Variants in MGAT5B observed in about 807,000 individuals in gnomAD.
MGAT5B encodes N-acetylglucosaminyl-transferase Vb.
In MGAT5B, 54 loss-of-function variants were observed where a neutral mutation model predicts 95.1. The ratio of observed to expected loss-of-function variants is 0.57; its 90% confidence interval spans 0.46 to 0.71. The LOEUF (loss-of-function observed/expected upper bound fraction) is 0.71, where lower values mean the gene tolerates loss of function less well. Ranked by LOEUF, MGAT5B falls within the 30% of genes least tolerant of loss-of-function variation. The pLI, the probability that MGAT5B is intolerant of heterozygous loss-of-function variation, is 0.00. For missense variants in MGAT5B, 935 were observed against 1,088.6 expected (o/e 0.86, Z 1.99); for synonymous variants, 464 against 451.0 (o/e 1.03, Z -0.36).
At position 76,917,604 on chromosome 17, in the gene MGAT5B, A is replaced by T. The variant is rs894499440; in HGVS notation, c.1026-7362A>T. ...GGAGCCAGCGGCCCTCAATATCCGA[A>T]TCCAGGATGCAGGGGCTGCGTCTTA... On this transcript the variant is annotated intron_variant, in intron 8 of 17. Coordinates refer to ENST00000569840, the MANE Select transcript of MGAT5B (RefSeq NM_001199172.2). The surrounding 1 kb of genome is among the most constrained non-coding windows in gnomAD (Gnocchi z 6.1). Among the ~76,000 whole-genome samples, 1 of 151,838 alleles carries T rather than the reference A, an allele frequency of 6.6e-6. No individual in the cohort carries two copies. The highest frequency in any genetic ancestry group is 6.6e-5 in the Admixed American group (1 of 15,248).
At position 76,906,230 on chromosome 17, in the gene MGAT5B, G is replaced by C. The variant is rs762079033; in HGVS notation, c.1025+43G>C. 1.3e-6 allele frequency: 2 copies of C among 1,544,508 alleles called. No individual in the cohort carries two copies. Among genetic ancestry groups the C allele is most frequent in the Non-Finnish European group, 1.7e-6 (2 of 1,153,094 alleles). On this transcript the variant is annotated intron_variant, in intron 8 of 17. Transcript: ENST00000569840. This position sits in a 1 kb window ranked among gnomAD's most constrained non-coding sequence, Gnocchi z 4.6. ...CCACTGGCATTAAGTGGGGCAGGGA[G>C]GGGATGAAGGGGAACCCCACCCCTC... is the stretch of plus-strand genomic sequence containing the variant.
chr17:76,886,098 A>G (rs1967620608), intron 3 of MGAT5B, among the ~76,000 whole-genome samples: 1 of 152,200 alleles, frequency 6.6e-6, no homozygotes, highest in Non-Finnish European at 1.5e-5. Flanking sequence ...TTTGCTTCAA[A>G]TGGCATCGTA....
At chr17:76,873,087 G>A (rs1967065838) in intron 2 of MGAT5B, 124 bp downstream of exon 2, 4 of 1,068,584 alleles carry the variant, frequency 3.7e-6, no homozygotes, top group Admixed American at 2.2e-5. Context: ...TGTGAGTGGA[G>A]GGGGCCTGGG....
At position 76,912,770 on chromosome 17, in the gene MGAT5B, G is replaced by A. The variant is rs1968789533; in HGVS notation, c.1025+6583G>A. 6.6e-6 allele frequency among the ~76,000 whole-genome samples: 1 copy of A among 152,170 alleles called. No homozygotes were observed. The highest frequency in any genetic ancestry group is 6.5e-5 in the Admixed American group (1 of 15,282). Reference sequence around the variant, plus strand: ...CCGTGCGCTCTGTGATGAGACTGCAGCAAGGTGATGTCAGCCAGTCCCCGC... The same window carrying A: ...CCGTGCGCTCTGTGATGAGACTGCAACAAGGTGATGTCAGCCAGTCCCCGC... On this transcript the variant is annotated intron_variant, in intron 8 of 17. Transcript: ENST00000569840. The surrounding 1 kb of genome is among the most constrained non-coding windows in gnomAD (Gnocchi z 5.0).
intron 8 of MGAT5B, chr17:76,913,653 G>A (rs1180404009): frequency 7.9e-6 from 4 of 503,618 alleles, no homozygotes; most frequent in African/African-American, 7.7e-5. Flanking sequence ...TATCAACACA[G>A]AAAGGCCTCT....
At position 76,906,266 on chromosome 17, in the gene MGAT5B, G is replaced by A; in HGVS notation, c.1025+79G>A. ...GGAACCCCACCCCTCCCTCCCAGGG[G>A]CTGTGGGAGCACCTGCTCTGCCTGC... On this transcript the variant is annotated intron_variant, in intron 8 of 17. Coordinates refer to ENST00000569840, the MANE Select transcript of MGAT5B (RefSeq NM_001199172.2). The surrounding 1 kb of genome is among the most constrained non-coding windows in gnomAD (Gnocchi z 4.6). 1.4e-6 allele frequency: 2 copies of A among 1,414,254 alleles called. No homozygotes were observed. Among genetic ancestry groups the A allele is most frequent in the Non-Finnish European group, 9.4e-7 (1 of 1,060,084 alleles). 87.6% of individuals were successfully genotyped at this position (1,414,254 alleles called of 1,614,324 possible). A position where few individuals can be genotyped will look rare whatever the true frequency, so the allele number is the denominator to read the frequency against.
intron 3 of MGAT5B, among the ~76,000 whole-genome samples, chr17:76,888,128 G>A (rs980389553): frequency 2.0e-5 from 3 of 152,196 alleles, no homozygotes; most frequent in Non-Finnish European, 2.9e-5. Context: ...GTGCATGTGT[G>A]CACGGGTGTA....
intron 1 of MGAT5B, 45 bp from the exon 2 acceptor site, chr17:76,872,806 G>A (rs370561982): frequency 2.4e-4 from 387 of 1,613,962 alleles, no homozygotes; most frequent in Non-Finnish European, 3.2e-4. Flanking sequence ...GTCAGGGCAC[G>A]ATGGCCCTTC....
At chr17:76,935,605 C>CT (rs61424892) in intron 12 of MGAT5B, among the ~76,000 whole-genome samples, 8,278 of 113,322 alleles carry the variant, frequency 0.073, 384 homozygotes, top group South Asian at 0.12. Context: ...TTCCATATAT[C>CT]TTTTTTTTTT....
intron 11 of MGAT5B, 144 bp downstream of exon 11, chr17:76,932,919 A>T: frequency 7.5e-7 from 1 of 1,326,100 alleles, no homozygotes; most frequent in South Asian, 1.5e-5. Context: ...GAACCAGTTC[A>T]GGACAAAAAG....
At chr17:76,932,971 AG>A (rs1969542586) in intron 11 of MGAT5B, among the ~76,000 whole-genome samples, 196 bp downstream of exon 11, 1 of 152,268 alleles carries the variant, frequency 6.6e-6, no homozygotes, top group African/African-American at 2.4e-5. Flanking sequence ...AGGAGCTGAC[AG>A]CTTGTCTCCC....
chr17:76,945,245 T>C (rs1048078742), intron 15 of MGAT5B, among the ~76,000 whole-genome samples: 4 of 152,212 alleles, frequency 2.6e-5, no homozygotes, highest in African/African-American at 9.6e-5. Flanking sequence ...AGCTACTGCA[T>C]GCATCTGCCC....
At chr17:76,936,712 G>A (rs1311146020) in intron 12 of MGAT5B, among the ~76,000 whole-genome samples, 2 of 152,190 alleles carry the variant, frequency 1.3e-5, no homozygotes, top group African/African-American at 4.8e-5. Flanking sequence ...TTCCTCCACT[G>A]AAATGTTTTG....
At position 76,913,833 on chromosome 17, in the gene MGAT5B, G is replaced by C. The variant is rs1459190724; in HGVS notation, c.1025+7646G>C. On this transcript the variant is annotated intron_variant, in intron 8 of 17. Transcript: ENST00000569840. ...CCAAAGAATTTGGTCACATGAGGCT[G>C]GGTGGGGCGGCTCACTCCTGTAATC... 6.6e-6 allele frequency: 3 copies of C among 456,270 alleles called. No individual in the cohort carries two copies. In the East Asian group the frequency reaches 2.1e-4, roughly 32 times the overall value. 28.3% of individuals were successfully genotyped at this position (456,270 alleles called of 1,614,324 possible).
At chr17:76,886,533 C>A (rs899989570) in intron 3 of MGAT5B, among the ~76,000 whole-genome samples, 1 of 152,226 alleles carries the variant, frequency 6.6e-6, no homozygotes, top group East Asian at 1.9e-4. Flanking sequence ...CACCAAGTCC[C>A]CATGGCACAG....
At chr17:76,880,481 C>T (rs1325008036) in intron 2 of MGAT5B, among the ~76,000 whole-genome samples, 1 of 152,180 alleles carries the variant, frequency 6.6e-6, no homozygotes, top group Non-Finnish European at 1.5e-5. Flanking sequence ...GTGAGAGCAG[C>T]CCCGGTGATG....
At chr17:76,897,712 T>TCTTC (rs1968132902) in intron 3 of MGAT5B, among the ~76,000 whole-genome samples, 1 of 113,004 alleles carries the variant, frequency 8.8e-6, no homozygotes, top group Non-Finnish European at 1.6e-5. Context: ...TTTCTTTCTT[T>TCTTC]CTTTCTTTCT....
At chr17:76,913,582 C>CA (rs1968820815) in intron 8 of MGAT5B, 1 of 414,336 alleles carries the variant, frequency 2.4e-6, no homozygotes, top group Non-Finnish European at 4.9e-6. Context: ...TGGTTGAACA[C>CA]AGTGTGGTTG....
Position 76,930,371 on chromosome 17 carries a change from A to C in MGAT5B, c.1292-2274A>C, listed in dbSNP as rs1210611333. 6.6e-6 allele frequency among the ~76,000 whole-genome samples: 1 copy of C among 152,144 alleles called. No homozygotes were observed. The highest frequency in any genetic ancestry group is 2.4e-5 in the African/African-American group (1 of 41,434). On this transcript the variant is annotated intron_variant, in intron 10 of 17. Transcript: ENST00000569840. The surrounding 1 kb of genome is among the most constrained non-coding windows in gnomAD (Gnocchi z 4.1). ...GAAAGCATGCATCCCAATTGGAGAA[A>C]CGTTAAAATGTGGGGGATGTGCATT... is the stretch of plus-strand genomic sequence containing the variant.
Sources: gnomAD v4.1 joint callset for allele counts (sites outside exome capture counted in the v4.1 genomes callset) on GRCh38, gnomAD v4.1.1 for gene constraint, Gnocchi (gnomAD v3.1) non-coding constraint, MANE v1.5 for transcripts, NCBI Gene and HGNC (gene_info 2026-07-23, HGNC 2026-07-21) for gene names.